Variants in TMEM135 observed in about 807,000 individuals in gnomAD.
TMEM135 encodes the protein transmembrane protein 135.
Under a neutral mutation model 60.3 loss-of-function variants are expected in TMEM135, and 30 were observed. The observed-to-expected ratio is 0.50, with a 90% CI of 0.37 to 0.68. TMEM135 has a LOEUF of 0.68. Ranked by LOEUF, TMEM135 falls within the 30% of genes least tolerant of loss-of-function variation. The pLI, the probability that TMEM135 is intolerant of heterozygous loss-of-function variation, is 0.00. For missense variants in TMEM135, 468 were observed against 548.8 expected (o/e 0.85, Z 1.47); for synonymous variants, 190 against 186.7 (o/e 1.02, Z -0.14).
At chr11:87,318,113 T>A in intron 12 of TMEM135, 24 bp from the exon 13 acceptor site, 8 of 1,584,780 alleles carry the variant, frequency 5.0e-6, no homozygotes, top group Non-Finnish European at 6.1e-6. Flanking sequence ...TCTTTATAAC[T>A]CTTGTCTTAT....
chr11:87,143,861 C>T (rs611579), intron 4 of TMEM135, among the ~76,000 whole-genome samples: 55,899 of 151,976 alleles, frequency 0.37, 10,819 homozygotes, highest in East Asian at 0.67. Flanking sequence ...CTGTCAGAAC[C>T]GCTGGGGAGT....
intron 3 of TMEM135, among the ~76,000 whole-genome samples, chr11:87,080,788 G>A (rs923557507): frequency 4.6e-5 from 7 of 152,158 alleles, no homozygotes; most frequent in Non-Finnish European, 1.0e-4. Flanking sequence ...CCGGGTTCAA[G>A]CAACTCTTGT....
At chr11:87,217,252 G>A (rs557347971) in intron 5 of TMEM135, among the ~76,000 whole-genome samples, 1 of 152,144 alleles carries the variant, frequency 6.6e-6, no homozygotes, top group African/African-American at 2.4e-5. Context: ...GAATGGCTTG[G>A]GCAACTCCTT....
At chr11:87,189,428 T>TG (rs1209375036) in intron 5 of TMEM135, among the ~76,000 whole-genome samples, 3 of 152,142 alleles carry the variant, frequency 2.0e-5, no homozygotes, top group African/African-American at 4.8e-5. Flanking sequence ...CCCAGATTGT[T>TG]GGGATTACAA....
intron 12 of TMEM135, among the ~76,000 whole-genome samples, chr11:87,317,343 C>G (rs72959892): frequency 1.3e-4 from 20 of 151,998 alleles, no homozygotes; most frequent in Non-Finnish European, 2.5e-4. Context: ...TTGCAATATA[C>G]TGTTACATAT....
chr11:87,192,438 C>T (rs513938), intron 5 of TMEM135, among the ~76,000 whole-genome samples: 19,773 of 151,750 alleles, frequency 0.13, 1,328 homozygotes, highest in Non-Finnish European at 0.14. Flanking sequence ...AAATGAATTA[C>T]GTATTTATGT....
intron 6 of TMEM135, among the ~76,000 whole-genome samples, chr11:87,246,653 A>G (rs1941279752): frequency 6.7e-6 from 1 of 149,010 alleles, no homozygotes; most frequent in Non-Finnish European, 1.5e-5. Context: ...TCGGCTCCTG[A>G]GGCTTCTGCA....
At chr11:87,182,016 A>G (rs1000293527) in intron 5 of TMEM135, among the ~76,000 whole-genome samples, 2 of 151,470 alleles carry the variant, frequency 1.3e-5, no homozygotes, top group African/African-American at 4.8e-5. Flanking sequence ...GTAAGCCTTA[A>G]TATTCTTATT....
chr11:87,081,437 A>G (rs189209596), intron 3 of TMEM135, among the ~76,000 whole-genome samples: 5 of 151,888 alleles, frequency 3.3e-5, no homozygotes, highest in South Asian at 2.1e-4. Context: ...AAATGTGGCA[A>G]CCTGTCTAGG....
intron 3 of TMEM135, among the ~76,000 whole-genome samples, chr11:87,085,573 A>G (rs1328555391): frequency 6.6e-6 from 1 of 152,138 alleles, no homozygotes; most frequent in African/African-American, 2.4e-5. Flanking sequence ...CCTGGCCAAC[A>G]TGGTGAAACC....
At chr11:87,202,272 C>T (rs1940119729) in intron 5 of TMEM135, among the ~76,000 whole-genome samples, 1 of 152,124 alleles carries the variant, frequency 6.6e-6, no homozygotes, top group African/African-American at 2.4e-5. Context: ...GTGATCCACC[C>T]ACCTCGACCT....
intron 2 of TMEM135, among the ~76,000 whole-genome samples, chr11:87,070,628 T>A (rs1296588306): frequency 7.0e-6 from 1 of 142,564 alleles, no homozygotes; most frequent in Non-Finnish European, 1.5e-5. Flanking sequence ...AGAGCAAGAC[T>A]CCATCTAAAA....
intron 6 of TMEM135, among the ~76,000 whole-genome samples, chr11:87,288,377 G>T (rs1279209407): frequency 6.6e-6 from 1 of 152,100 alleles, no homozygotes; most frequent in Non-Finnish European, 1.5e-5. Flanking sequence ...TTGAACCTTT[G>T]CATGAAGAAG....
chr11:87,210,872 T>C (rs1173885687), intron 5 of TMEM135, among the ~76,000 whole-genome samples: 1 of 152,094 alleles, frequency 6.6e-6, no homozygotes, highest in Non-Finnish European at 1.5e-5. Context: ...ATTCACCATA[T>C]GAATGGGATT....
intron 4 of TMEM135, among the ~76,000 whole-genome samples, chr11:87,138,457 G>A (rs967537365): frequency 6.6e-6 from 1 of 152,028 alleles, no homozygotes; most frequent in African/African-American, 2.4e-5. Flanking sequence ...TTGCTTTAAT[G>A]TAGTTAAGGA....
At chr11:87,159,608 C>CAT (rs1938808003) in intron 5 of TMEM135, among the ~76,000 whole-genome samples, 1 of 144,614 alleles carries the variant, frequency 6.9e-6, no homozygotes, top group Admixed American at 7.3e-5. Flanking sequence ...CACACACACA[C>CAT]ACACACACAC....
intron 1 of TMEM135, among the ~76,000 whole-genome samples, chr11:87,066,779 C>CTTTTTTTTTT (rs201355341): frequency 7.7e-6 from 1 of 129,178 alleles, no homozygotes; most frequent in Non-Finnish European, 1.6e-5. Context: ...TTACTAGATT[C>CTTTTTTTTTT]TTTCTTTTTT....
intron 6 of TMEM135, among the ~76,000 whole-genome samples, chr11:87,283,917 A>T (rs966130199): frequency 2.6e-5 from 4 of 152,184 alleles, no homozygotes; most frequent in African/African-American, 4.8e-5. Flanking sequence ...AATTGAAAAC[A>T]TTTGTTTTCA....
intron 4 of TMEM135, among the ~76,000 whole-genome samples, chr11:87,139,569 G>A (rs1938206448): frequency 6.6e-6 from 1 of 152,102 alleles, no homozygotes; most frequent in South Asian, 2.1e-4. Context: ...GATACCTAGG[G>A]ATAGAATTGC....
Sources: allele counts gnomAD v4.1 joint callset (sites outside exome capture counted in the v4.1 genomes callset), GRCh38; gene constraint gnomAD v4.1.1; transcripts MANE v1.5; gene names NCBI Gene and HGNC (gene_info 2026-07-23, HGNC 2026-07-21).